PPA2: variants seen among roughly 807,000 people sequenced by gnomAD.
The protein encoded by PPA2 is inorganic pyrophosphatase 2, mitochondrial.
A neutral mutation model predicts 49.5 loss-of-function variants in PPA2; 48 were observed. The ratio of observed to expected loss-of-function variants is 0.97; its 90% CI spans 0.77 to 1.23. The LOEUF (loss-of-function observed/expected upper bound fraction) is 1.23, where lower values mean the gene tolerates loss of function less well. Among genes scored for constraint, PPA2 ranks in the 50% most tolerant of loss-of-function variants. The pLI is 0.00. For synonymous variants in PPA2, 131 were observed against 139.9 expected (o/e 0.94, Z 0.45); for missense variants, 429 against 410.1 (o/e 1.05, Z -0.40).
chr4:105,453,900 A>T, intron 2 of PPA2: 1 of 327,720 alleles, frequency 3.1e-6, no homozygotes, highest in African/African-American at 2.1e-5. Context: ...CCCAGTTTTT[A>T]TAAAGTAAGC....
intron 8 of PPA2, chr4:105,398,556 T>C (rs908165455): frequency 6.6e-6 from 1 of 152,500 alleles, no homozygotes; most frequent in African/African-American, 2.4e-5. Context: ...ATATTAGAGA[T>C]ACTTTGTGGT....
chr4:105,450,893 C>CA (rs904733281), intron 3 of PPA2, among the ~76,000 whole-genome samples: 5 of 152,170 alleles, frequency 3.3e-5, no homozygotes, highest in Non-Finnish European at 5.9e-5. Flanking sequence ...AGGCGTGAGC[C>CA]ACCGCGCCCT....
chr4:105,406,813 T>A (rs1174916935), intron 7 of PPA2, among the ~76,000 whole-genome samples: 1 of 152,174 alleles, frequency 6.6e-6, no homozygotes, highest in Non-Finnish European at 1.5e-5. Flanking sequence ...CCCATGTTGT[T>A]CAGGGGTCAA....
At chr4:105,435,814 G>C (rs1033209665) in intron 6 of PPA2, among the ~76,000 whole-genome samples, 1 of 151,922 alleles carries the variant, frequency 6.6e-6, no homozygotes, top group East Asian at 1.9e-4. Context: ...CCTCAAAATA[G>C]TAAGAGCCAT....
At chr4:105,456,556 T>C (rs574364279) in intron 2 of PPA2, 125 bp downstream of exon 2, 2 of 707,746 alleles carry the variant, frequency 2.8e-6, no homozygotes, top group Non-Finnish European at 4.8e-6. Flanking sequence ...GACCCTGTTA[T>C]AGTAACTCCT....
chr4:105,387,914 A>G (rs1733748983), intron 9 of PPA2, among the ~76,000 whole-genome samples: 1 of 152,200 alleles, frequency 6.6e-6, no homozygotes, highest in Admixed American at 6.5e-5. Flanking sequence ...GCAAAAAATT[A>G]GACACTGCAA....
At chr4:105,383,370 A>T (rs1156761952) in intron 10 of PPA2, among the ~76,000 whole-genome samples, 2 of 152,188 alleles carry the variant, frequency 1.3e-5, no homozygotes, top group African/African-American at 4.8e-5. Context: ...AATAATAATC[A>T]TCAATTTGTT....
Position 105,449,101 on chromosome 4 carries a change from T to C in PPA2, c.321+249A>G, listed in dbSNP as rs193136512. Among the ~76,000 whole-genome samples, 5,171 of 135,984 alleles carry C rather than the reference T, an allele frequency of 0.038. 250 individuals carry two copies. The highest frequency in any genetic ancestry group is 0.048 in the African/African-American group (1,486 of 30,742). The allele number at this position is 135,984 out of a possible 152,430, so 89.2% of individuals were successfully genotyped here. ...GCGTAGTGGCGGGCGCCTGTAGTCC[T>C]AGCTACTTGGGAGGCTGAGGCAGGA... On this transcript the variant is annotated intron_variant, in intron 4 of 11. Transcript: ENST00000341695.
At chr4:105,444,368 A>C (rs1467617345) in intron 5 of PPA2, among the ~76,000 whole-genome samples, 1 of 152,232 alleles carries the variant, frequency 6.6e-6, no homozygotes, top group Non-Finnish European at 1.5e-5. Context: ...ACAGGAGACC[A>C]TTAAGGTGTT....
chr4:105,424,362 G>C (rs754199857), intron 6 of PPA2, 40 bp from the exon 7 acceptor site: 2 of 1,537,404 alleles, frequency 1.3e-6, no homozygotes. Context: ...CAAGGCTTTG[G>C]AGAGTTTACT....
Position 105,369,711 on chromosome 4 carries a change from T to C in PPA2, c.*14A>G. On this transcript the variant is annotated 3_prime_UTR_variant, in exon 12 of 12. Transcript: ENST00000341695. ...GAGATGGGAATCTTGACAGCAGAAT[T>C]TCAGATGTTTCAATCACTTGCCAAG... 1 of 1,577,050 alleles carries C rather than the reference T, an allele frequency of 6.3e-7. No individual in the cohort carries two copies.
At chr4:105,465,656 A>G (rs976300298) in intron 1 of PPA2, among the ~76,000 whole-genome samples, 1 of 152,160 alleles carries the variant, frequency 6.6e-6, no homozygotes, top group Non-Finnish European at 1.5e-5. Flanking sequence ...GCTGGGTAGA[A>G]AATTCTAGGA....
chr4:105,434,199 AC>A (rs1191802631), intron 6 of PPA2, among the ~76,000 whole-genome samples: 2 of 152,338 alleles, frequency 1.3e-5, no homozygotes, highest in Admixed American at 1.3e-4. Flanking sequence ...TAATCTAGAA[AC>A]TGTCAGATAA....
At chr4:105,429,803 A>G (rs1384862483) in intron 6 of PPA2, among the ~76,000 whole-genome samples, 1 of 152,200 alleles carries the variant, frequency 6.6e-6, no homozygotes, top group Non-Finnish European at 1.5e-5. Flanking sequence ...TTAACAAACC[A>G]CATTTATCGG....
intron 5 of PPA2, among the ~76,000 whole-genome samples, chr4:105,441,093 T>C (rs1578864572): frequency 1.3e-5 from 2 of 152,206 alleles, no homozygotes; most frequent in Non-Finnish European, 2.9e-5. Context: ...TATGCCCTCT[T>C]GTGGAGTCTT....
chr4:105,409,610 G>A (rs1298012930), intron 7 of PPA2, among the ~76,000 whole-genome samples: 5 of 152,238 alleles, frequency 3.3e-5, no homozygotes, highest in Admixed American at 3.3e-4. Context: ...TGACCCCCAT[G>A]TAGCCGGACT....
At chr4:105,426,445 G>C (rs911773788) in intron 6 of PPA2, among the ~76,000 whole-genome samples, 1 of 152,244 alleles carries the variant, frequency 6.6e-6, no homozygotes, top group African/African-American at 2.4e-5. Flanking sequence ...GAAGCCATGA[G>C]TGACTGTACC....
In PPA2 at chr4:105,448,575, T is replaced by TA. The variant is rs879922701; in HGVS notation, c.321+774dup. ...TATAGGTTCATTTCCCGGAAAAATT[T>TA]AAAAAAAAAAAAAAAGCTAACCAGA... is the stretch of plus-strand genomic sequence containing the variant. On this transcript the variant is annotated intron_variant, in intron 4 of 11. Coordinates refer to ENST00000341695, the MANE Select transcript of PPA2 (RefSeq NM_176869.3). Among the ~76,000 whole-genome samples, 284 of 131,008 alleles carry TA rather than the reference T, an allele frequency of 2.2e-3. 1 individual carries two copies. The highest frequency in any genetic ancestry group is 5.4e-3 in the African/African-American group (195 of 36,226). 85.9% of individuals were successfully genotyped at this position (131,008 alleles called of 152,430 possible).
chr4:105,448,483 A>T (rs992801664), intron 4 of PPA2, among the ~76,000 whole-genome samples: 6 of 152,006 alleles, frequency 3.9e-5, no homozygotes, highest in Non-Finnish European at 5.9e-5. Flanking sequence ...AAGGAAGCTT[A>T]TATATAAGCT....
Sources: allele counts gnomAD v4.1 joint callset (sites outside exome capture counted in the v4.1 genomes callset), GRCh38; gene constraint gnomAD v4.1.1; transcripts MANE v1.5; gene names NCBI Gene and HGNC (gene_info 2026-07-23, HGNC 2026-07-21).